Variants in VWA8 observed in about 807,000 individuals in gnomAD.
VWA8 encodes von Willebrand factor A domain containing 8.
VWA8 carries 221 observed loss-of-function variants against 241.5 expected under a neutral mutation model. The observed-to-expected ratio is 0.91, with a 90% confidence interval of 0.82 to 1.02. The LOEUF is 1.02. VWA8 is among the 50% of genes least tolerant of loss of function. VWA8 has a pLI of 0.00. For synonymous variants in VWA8, 852 were observed against 827.1 expected, an observed-to-expected ratio of 1.03 and a Z score of -0.52; for missense variants, 2,322 against 2,328.7, an observed-to-expected ratio of 1.00 and a Z score of 0.06.
intron 37 of VWA8, among the ~76,000 whole-genome samples, chr13:41,666,500 T>C (rs750173490): frequency 2.0e-4 from 31 of 152,282 alleles, no homozygotes; most frequent in African/African-American, 6.5e-4. Flanking sequence ...AGTGGCATGA[T>C]AGAGCTAAAC....
At chr13:41,651,512 T>A (rs1448609803) in intron 37 of VWA8, among the ~76,000 whole-genome samples, 1 of 152,230 alleles carries the variant, frequency 6.6e-6, no homozygotes, top group African/African-American at 2.4e-5. Context: ...TATTTTAGGC[T>A]TTACAGGCCA....
intron 40 of VWA8, among the ~76,000 whole-genome samples, chr13:41,591,350 C>CT (rs2044453537): frequency 6.6e-6 from 1 of 152,130 alleles, no homozygotes; most frequent in East Asian, 1.9e-4. Context: ...CAATAACTTA[C>CT]AATTATGCCA....
At chr13:41,589,780 G>A (rs1228102110) in intron 41 of VWA8, among the ~76,000 whole-genome samples, 1 of 151,992 alleles carries the variant, frequency 6.6e-6, no homozygotes, top group Non-Finnish European at 1.5e-5. Flanking sequence ...TTGCTTTGTG[G>A]GCCCAACAGA....
intron 2 of VWA8, among the ~76,000 whole-genome samples, chr13:41,935,295 G>C (rs1877296944): frequency 6.6e-6 from 1 of 152,046 alleles, no homozygotes; most frequent in South Asian, 2.1e-4. Flanking sequence ...CCTTTGTTAG[G>C]CTTAGTATAG....
chr13:41,751,738 A>C (rs2137893537), intron 21 of VWA8, among the ~76,000 whole-genome samples: 1 of 152,330 alleles, frequency 6.6e-6, no homozygotes, highest in South Asian at 2.1e-4. Flanking sequence ...ACAGAGGAAA[A>C]GTAAGTGTTT....
chr13:41,671,460 C>T (rs2045023292), intron 36 of VWA8, among the ~76,000 whole-genome samples: 1 of 152,008 alleles, frequency 6.6e-6, no homozygotes, highest in African/African-American at 2.4e-5. Context: ...AATTGGTAGG[C>T]CAGGAAACAA....
chr13:41,854,501 T>C (rs2138034308), intron 12 of VWA8, among the ~76,000 whole-genome samples: 1 of 149,902 alleles, frequency 6.7e-6, no homozygotes, highest in South Asian at 2.1e-4. Context: ...TTATTTTTAT[T>C]TTATATATAT....
intron 37 of VWA8, among the ~76,000 whole-genome samples, chr13:41,664,759 G>C (rs1361216992): frequency 6.6e-6 from 1 of 152,088 alleles, no homozygotes; most frequent in Non-Finnish European, 1.5e-5. Context: ...CTTAAAATAG[G>C]AGGAGGAAAA....
Position 41,708,600 on chromosome 13 carries a change from T to C in VWA8, c.3117-5189A>G, listed in dbSNP as rs575337091. On this transcript the variant is annotated intron_variant, in intron 26 of 44. Coordinates refer to ENST00000379310, the MANE Select transcript of VWA8 (RefSeq NM_015058.2). ...TATACCTGAGTATTTGTACATATTT[T>C]CTCTTTCTGTGCTTGGTTCTGCATT... 9.8e-5 allele frequency among the ~76,000 whole-genome samples: 15 copies of C among 152,332 alleles called. 1 individual carries two copies. The South Asian group carries it at 3.1e-3, about 32-fold the overall frequency.
intron 12 of VWA8, among the ~76,000 whole-genome samples, chr13:41,863,916 T>C (rs994596461): frequency 6.6e-6 from 1 of 151,952 alleles, no homozygotes; most frequent in Non-Finnish European, 1.5e-5. Flanking sequence ...AATTTACCCA[T>C]GTAAATTGTG....
Position 41,679,760 on chromosome 13 carries a change from T to C in VWA8, c.4328-4464A>G, listed in dbSNP as rs532677553. 2.3e-4 allele frequency among the ~76,000 whole-genome samples: 34 copies of C among 150,738 alleles called. No homozygotes were observed. The South Asian group carries it at 3.6e-3, about 16-fold the overall frequency. Reference sequence around the variant, plus strand: ...TTTGGTTTACTTTACAAAATTATTCTAGCTTGAATTTTCATCAGAGATCTA... The same window carrying C: ...TTTGGTTTACTTTACAAAATTATTCCAGCTTGAATTTTCATCAGAGATCTA... On this transcript the variant is annotated intron_variant, in intron 35 of 44. Coordinates refer to ENST00000379310, the MANE Select transcript of VWA8 (RefSeq NM_015058.2).
chr13:41,627,475 G>A (rs2044699620), intron 37 of VWA8, among the ~76,000 whole-genome samples: 1 of 152,162 alleles, frequency 6.6e-6, no homozygotes, highest in South Asian at 2.1e-4. Context: ...CTCAGGGAGA[G>A]AGAACCTAGA....
intron 37 of VWA8, among the ~76,000 whole-genome samples, chr13:41,660,082 T>C (rs2044938597): frequency 6.6e-6 from 1 of 152,184 alleles, no homozygotes; most frequent in African/African-American, 2.4e-5. Flanking sequence ...CACTGCTACA[T>C]TTCCACTGGT....
chr13:41,612,980 T>A (rs1471008192), intron 38 of VWA8, among the ~76,000 whole-genome samples: 1 of 152,206 alleles, frequency 6.6e-6, no homozygotes, highest in African/African-American at 2.4e-5. Flanking sequence ...ATAAAAGCCA[T>A]ATAATGGACT....
intron 17 of VWA8, among the ~76,000 whole-genome samples, chr13:41,792,394 A>G (rs1474672096): frequency 6.6e-6 from 1 of 151,962 alleles, no homozygotes; most frequent in Non-Finnish European, 1.5e-5. Flanking sequence ...ACATTGATTT[A>G]CAATGCTACA....
At chr13:41,611,808 G>T in intron 38 of VWA8, 76 bp from the exon 39 acceptor site, 1 of 1,554,974 alleles carries the variant, frequency 6.4e-7, no homozygotes, top group South Asian at 1.2e-5. Context: ...ATGGTTTTAG[G>T]ACAGCCTTGT....
chr13:41,937,169 C>A (rs1253443359), intron 2 of VWA8, among the ~76,000 whole-genome samples: 1 of 152,166 alleles, frequency 6.6e-6, no homozygotes, highest in Non-Finnish European at 1.5e-5. Context: ...AGTCACCAAC[C>A]TTTTTGATAC....
chr13:41,568,934 A>G (rs1344527222), intron 44 of VWA8, among the ~76,000 whole-genome samples: 1 of 152,340 alleles, frequency 6.6e-6, no homozygotes, highest in East Asian at 1.9e-4. Context: ...ATGGGTTTTG[A>G]TTTGAATTAT....
chr13:41,816,581 G>C (rs1264839873), intron 16 of VWA8, 117 bp downstream of exon 16: 4 of 938,216 alleles, frequency 4.3e-6, no homozygotes, highest in Non-Finnish European at 6.5e-6. Context: ...ATAGCATAAG[G>C]GATTCCAAAA....
Sources: gnomAD v4.1 joint callset for allele counts (sites outside exome capture counted in the v4.1 genomes callset) on GRCh38, gnomAD v4.1.1 for gene constraint, MANE v1.5 for transcripts, NCBI Gene and HGNC (gene_info 2026-07-23, HGNC 2026-07-21) for gene names.